Variants in GMEB1 observed in about 807,000 individuals in gnomAD.
GMEB1 encodes glucocorticoid modulatory element-binding protein 1.
GMEB1 carries 6 observed loss-of-function variants against 52.4 expected under a neutral mutation model. That is an observed-to-expected ratio of 0.11 (90% CI 0.06 to 0.23). The LOEUF (loss-of-function observed/expected upper bound fraction) is 0.23, where lower values mean the gene tolerates loss of function less well. GMEB1 is among the 10% of genes least tolerant of loss of function. The pLI, the probability that GMEB1 is intolerant of heterozygous loss-of-function variation, is 1.00. For missense variants in GMEB1, 486 were observed against 685.6 expected (o/e 0.71, Z 3.25); for synonymous variants, 255 against 244.9 (o/e 1.04, Z -0.38).
At position 28,690,203 on chromosome 1, in the gene GMEB1, G is replaced by GTTTTTTTTTTT. The variant is rs878890649; in HGVS notation, c.211+28_211+38dup. On this transcript the variant is annotated intron_variant, in intron 3 of 9. Coordinates refer to ENST00000373816, the MANE Select transcript of GMEB1 (RefSeq NM_001319674.2). ...AAGGGATTGGTAAGGGTTTTTTTGT[G>GTTTTTTTTTTT]TTTTTTTTTTTTTTTTTTTTTGTCA... The GTTTTTTTTTTT allele has an allele frequency of 1.6e-3, 807 of 515,056 alleles. No homozygotes were observed. The highest frequency in any genetic ancestry group is 4.2e-3 in the Middle Eastern group (11 of 2,646). The allele number at this position is 515,056 out of a possible 1,614,324, so 31.9% of individuals were successfully genotyped here. A position where few individuals can be genotyped will look rare whatever the true frequency, so the allele number is the denominator to read the frequency against.
intron 5 of GMEB1, 68 bp downstream of exon 5, chr1:28,693,113 G>A (rs1670039140): frequency 1.5e-6 from 1 of 671,720 alleles, no homozygotes; most frequent in Non-Finnish European, 2.4e-6. Context: ...TAGAATCTGG[G>A]CTTTTCTCTT....
At position 28,708,317 on chromosome 1, in the gene GMEB1, A is replaced by G. The variant is rs1280356567; in HGVS notation, c.869-2203A>G. Among the ~76,000 whole-genome samples, 4 of 151,910 alleles carry G rather than the reference A, an allele frequency of 2.6e-5. No individual in the cohort carries two copies. In the East Asian group the frequency reaches 7.7e-4, roughly 29 times the overall value. ...GTAGCTGGTACTACAGGTGCCTGCCACCACTCCTGGCTAATTTTTCATATT... is the reference window on the plus strand; with the variant it reads ...GTAGCTGGTACTACAGGTGCCTGCCGCCACTCCTGGCTAATTTTTCATATT... On this transcript the variant is annotated intron_variant, in intron 8 of 9. Transcript: ENST00000373816.
intron 1 of GMEB1, among the ~76,000 whole-genome samples, chr1:28,669,190 C>T (rs1036398174): frequency 9.6e-4 from 145 of 151,786 alleles, no homozygotes; most frequent in Admixed American, 8.3e-3. Flanking sequence ...GACCGAGGGG[C>T]CCGGAAGTAC....
intron 2 of GMEB1, among the ~76,000 whole-genome samples, chr1:28,684,875 T>A (rs1217002050): frequency 6.6e-6 from 1 of 152,058 alleles, no homozygotes; most frequent in East Asian, 1.9e-4. Flanking sequence ...AATAAATAAA[T>A]AAAAATTCCA....
At chr1:28,685,364 C>T (rs964813216) in intron 2 of GMEB1, among the ~76,000 whole-genome samples, 17 of 151,906 alleles carry the variant, frequency 1.1e-4, no homozygotes, top group African/African-American at 3.4e-4. Context: ...CTCTTGCCAC[C>T]GTGCCTGGCC....
At chr1:28,683,260 T>A (rs2124480334) in intron 1 of GMEB1, among the ~76,000 whole-genome samples, 1 of 152,064 alleles carries the variant, frequency 6.6e-6, no homozygotes, top group Admixed American at 6.6e-5. Flanking sequence ...AATTTCACTC[T>A]TGTTGCCCAG....
intron 1 of GMEB1, among the ~76,000 whole-genome samples, chr1:28,676,687 T>G (rs1014697450): frequency 1.3e-5 from 2 of 150,754 alleles, no homozygotes; most frequent in African/African-American, 4.9e-5. Context: ...ATCAGGGCGC[T>G]GCACTCCAGC....
intron 8 of GMEB1, among the ~76,000 whole-genome samples, chr1:28,706,110 C>T (rs932141552): frequency 1.3e-5 from 2 of 151,758 alleles, no homozygotes; most frequent in East Asian, 2.0e-4. Flanking sequence ...GCCGAGATAG[C>T]GCCACTGCAG....
chr1:28,694,326 G>A (rs568490835), intron 5 of GMEB1, among the ~76,000 whole-genome samples: 3 of 151,038 alleles, frequency 2.0e-5, no homozygotes, highest in East Asian at 2.0e-4. Flanking sequence ...CAGTAGCTGG[G>A]ACTACAGGCG....
At chr1:28,701,370 C>T (rs889580824) in intron 6 of GMEB1, among the ~76,000 whole-genome samples, 15 of 148,028 alleles carry the variant, frequency 1.0e-4, no homozygotes, top group South Asian at 8.8e-4. Flanking sequence ...CCCGGGTTCA[C>T]GCCACTCTCC....
At chr1:28,678,815 G>A (rs1486441592) in intron 1 of GMEB1, among the ~76,000 whole-genome samples, 1 of 151,718 alleles carries the variant, frequency 6.6e-6, no homozygotes, top group East Asian at 1.9e-4. Flanking sequence ...TTGAACTCCT[G>A]AGCTTAAGCA....
At chr1:28,705,449 T>C (rs77655135) in intron 8 of GMEB1, among the ~76,000 whole-genome samples, 77 of 149,172 alleles carry the variant, frequency 5.2e-4, no homozygotes, top group Admixed American at 1.9e-3. Flanking sequence ...TATTTTCTTT[T>C]TTTTTTTTTT....
In GMEB1 at chr1:28,692,953, G is replaced by C; in HGVS notation, c.348G>C (p.Gln116His). 1 of 1,590,996 alleles carries C rather than the reference G, an allele frequency of 6.3e-7. No homozygotes were observed. Among genetic ancestry groups the C allele is most frequent in the Non-Finnish European group, 8.6e-7 (1 of 1,166,492 alleles). ...CTTTTTACTTTTAGTTCAATGATCA[G>C]TTGATCAGCCCCAAGCACTTTGTTC... The part of the protein sequence containing the change: ...INVKCVKFND[Q>H]LISPKHFVHL... Residue 116 changes from glutamine (Q) to histidine (H), a missense_variant, in exon 5 of 10, where the codon CAG becomes CAC. By Grantham distance (24) the Gln-to-His change is conservative. Coordinates refer to ENST00000373816, the MANE Select transcript of GMEB1 (RefSeq NM_001319674.2).
In GMEB1 at chr1:28,687,569, C is replaced by G. The variant is rs11806546; in HGVS notation, c.129-2535C>G. Among the ~76,000 whole-genome samples, 562 of 152,014 alleles carry G rather than the reference C, an allele frequency of 3.7e-3. 5 individuals carry two copies. Among genetic ancestry groups the G allele is most frequent in the African/African-American group, 0.013 (548 of 41,456 alleles). On this transcript the variant is annotated intron_variant, in intron 2 of 9. Transcript: ENST00000373816. ...ATCTTAAAGAAGCTTAAATATCATA[C>G]AAAGGATTTGGAGCTTTATTTTAAC...
intron 4 of GMEB1, among the ~76,000 whole-genome samples, chr1:28,692,015 T>G (rs1382516469): frequency 6.7e-6 from 1 of 148,324 alleles, no homozygotes; most frequent in Admixed American, 6.8e-5. Flanking sequence ...ACCTTGGCTT[T>G]CTTTTTTTTT....
chr1:28,693,081 A>G lies in GMEB1; in HGVS notation c.440+36A>G, dbSNP rs549255792. ...ATGTCAAGCACATACCTTTCAACAA[A>G]CTTTGGGGCACATAATCATGCTAGA... On this transcript the variant is annotated intron_variant, in intron 5 of 9. Coordinates refer to ENST00000373816, the MANE Select transcript of GMEB1 (RefSeq NM_001319674.2). 4.0e-6 allele frequency: 4 copies of G among 1,006,396 alleles called. No homozygotes were observed. In the East Asian group the frequency reaches 7.9e-5, roughly 20 times the overall value. 62.3% of individuals were successfully genotyped at this position (1,006,396 alleles called of 1,614,324 possible).
At chr1:28,696,418 C>T (rs1670211452) in intron 5 of GMEB1, among the ~76,000 whole-genome samples, 1 of 151,782 alleles carries the variant, frequency 6.6e-6, no homozygotes, top group Admixed American at 6.6e-5. Context: ...TTTTATTTAC[C>T]CAGAAGGACA....
chr1:28,699,685 C>A (rs1398600115), intron 6 of GMEB1, among the ~76,000 whole-genome samples: 1 of 151,814 alleles, frequency 6.6e-6, no homozygotes. Flanking sequence ...CCACCTCAGC[C>A]TCCCAAAGTG....
At chr1:28,696,546 T>C (rs1670219091) in intron 5 of GMEB1, among the ~76,000 whole-genome samples, 2 of 152,208 alleles carry the variant, frequency 1.3e-5, no homozygotes, top group African/African-American at 4.8e-5. Context: ...ATGGTTTTGC[T>C]CATGTCCTAT....
Sources: allele counts gnomAD v4.1 joint callset (sites outside exome capture counted in the v4.1 genomes callset), GRCh38; gene constraint gnomAD v4.1.1; transcripts MANE v1.5; gene names NCBI Gene and HGNC (gene_info 2026-07-23, HGNC 2026-07-21).